The following IGF2BP3 variants were observed in gnomAD, a reference collection of about 807,000 sequenced individuals.
The protein encoded by IGF2BP3 is insulin like growth factor 2 mRNA binding protein 3.
IGF2BP3 carries 9 observed loss-of-function variants against 73.8 expected under a neutral mutation model. That is an observed-to-expected ratio of 0.12 (90% confidence interval 0.07 to 0.21). IGF2BP3 has a LOEUF of 0.21. Ranked by LOEUF, IGF2BP3 falls within the 10% of genes least tolerant of loss-of-function variation. IGF2BP3 has a pLI of 1.00. For synonymous variants in IGF2BP3, 258 were observed against 256.7 expected, an observed-to-expected ratio of 1.01 and a Z score of -0.05; for missense variants, 542 against 714.0, an observed-to-expected ratio of 0.76 and a Z score of 2.75.
intron 11 of IGF2BP3, chr7:23,317,926 G>A (rs1784035566): frequency 1.8e-6 from 1 of 566,958 alleles, no homozygotes; most frequent in Non-Finnish European, 3.2e-6. Context: ...GGCCCTAATG[G>A]AGACCTCCAC....
chr7:23,431,963 C>A (rs1314176046), intron 2 of IGF2BP3, among the ~76,000 whole-genome samples: 2 of 152,162 alleles, frequency 1.3e-5, no homozygotes, highest in Non-Finnish European at 2.9e-5. Flanking sequence ...TTGCTTAGCT[C>A]ATCTCAGGCA....
At chr7:23,360,686 C>T (rs899767816) in intron 5 of IGF2BP3, among the ~76,000 whole-genome samples, 3 of 152,178 alleles carry the variant, frequency 2.0e-5, no homozygotes, top group Admixed American at 2.0e-4. Flanking sequence ...TCTTGCAGCT[C>T]GTTTTACTTT....
intron 3 of IGF2BP3, among the ~76,000 whole-genome samples, chr7:23,377,596 C>A (rs1251359818): frequency 6.6e-6 from 1 of 152,198 alleles, no homozygotes; most frequent in African/African-American, 2.4e-5. Flanking sequence ...ACCATATGAT[C>A]TAGCAATTCC....
chr7:23,327,525 C>G (rs1446072519), intron 10 of IGF2BP3, among the ~76,000 whole-genome samples: 1 of 152,134 alleles, frequency 6.6e-6, no homozygotes, highest in African/African-American at 2.4e-5. Flanking sequence ...TCGTGATCCG[C>G]CCGCCTCGGC....
At chr7:23,342,673 T>A (rs962062140) in intron 9 of IGF2BP3, among the ~76,000 whole-genome samples, 2 of 151,954 alleles carry the variant, frequency 1.3e-5, no homozygotes, top group African/African-American at 4.8e-5. Flanking sequence ...TCAGGACCCA[T>A]CCCCATGTAA....
chr7:23,403,760 T>C (rs1562730401), intron 3 of IGF2BP3, among the ~76,000 whole-genome samples: 1 of 152,118 alleles, frequency 6.6e-6, no homozygotes, highest in Non-Finnish European at 1.5e-5. Context: ...TTTTTAAAAA[T>C]AAGAATAGCA....
At chr7:23,444,008 CAAA>C (rs576764529) in intron 2 of IGF2BP3, among the ~76,000 whole-genome samples, 183 of 152,076 alleles carry the variant, frequency 1.2e-3, no homozygotes, top group Non-Finnish European at 2.3e-3. Context: ...GACTTCGTCT[CAAA>C]AAACAAAATA....
chr7:23,317,206 T>C (rs1167669607), intron 12 of IGF2BP3, among the ~76,000 whole-genome samples: 1 of 152,098 alleles, frequency 6.6e-6, no homozygotes, highest in East Asian at 1.9e-4. Flanking sequence ...ATCCCAGGGA[T>C]TAGAGAGATT....
At chr7:23,382,150 G>A (rs958367600) in intron 3 of IGF2BP3, among the ~76,000 whole-genome samples, 4 of 152,144 alleles carry the variant, frequency 2.6e-5, no homozygotes, top group Non-Finnish European at 5.9e-5. Context: ...GGAGGCCGAG[G>A]TGGGAGGATC....
chr7:23,455,242 CT>C (rs1473721231), intron 2 of IGF2BP3, among the ~76,000 whole-genome samples: 1 of 152,220 alleles, frequency 6.6e-6, no homozygotes, highest in Non-Finnish European at 1.5e-5. Context: ...GCTGCTCCAG[CT>C]GCCCTCTCCG....
At chr7:23,331,429 G>A (rs1425472912) in intron 10 of IGF2BP3, among the ~76,000 whole-genome samples, 2 of 152,184 alleles carry the variant, frequency 1.3e-5, no homozygotes, top group African/African-American at 4.8e-5. Context: ...GTCAGGTGAA[G>A]ATAAAGGAAT....
At chr7:23,386,405 A>C (rs1358707196) in intron 3 of IGF2BP3, among the ~76,000 whole-genome samples, 1 of 152,208 alleles carries the variant, frequency 6.6e-6, no homozygotes, top group East Asian at 1.9e-4. Context: ...CGTACTCAAA[A>C]AGAAAAAACC....
chr7:23,441,034 T>A (rs138454275), intron 2 of IGF2BP3, among the ~76,000 whole-genome samples: 34 of 152,278 alleles, frequency 2.2e-4, no homozygotes, highest in Non-Finnish European at 4.0e-4. Context: ...AAAAATTAGT[T>A]GCAGAATCCT....
chr7:23,354,501 T>C (rs1271760801), intron 5 of IGF2BP3, among the ~76,000 whole-genome samples: 24 of 152,198 alleles, frequency 1.6e-4, no homozygotes, highest in Admixed American at 1.5e-3. Context: ...AAATGGTAGA[T>C]AACTCTCTTC....
In IGF2BP3 at chr7:23,312,124, AC is replaced by A. The variant is rs1783847527; in HGVS notation, c.*237del. ...GCTCTTCTCTTTCCCTCCCTCCCCC[AC>A]CCTTTTTTTGTTTGTTTGTTTGTTT... On this transcript the variant is annotated 3_prime_UTR_variant, in exon 15 of 15. Coordinates refer to ENST00000258729, the MANE Select transcript of IGF2BP3 (RefSeq NM_006547.3). The A allele has an allele frequency of 4.2e-6, 1 of 239,324 alleles. No homozygotes were observed. Among genetic ancestry groups the A allele is most frequent in the Non-Finnish European group, 7.9e-6 (1 of 126,540 alleles). The allele number at this position is 239,324 out of a possible 1,614,324, so 14.8% of individuals were successfully genotyped here. A position where few individuals can be genotyped will look rare whatever the true frequency, so the allele number is the denominator to read the frequency against.
At chr7:23,326,917 T>G (rs2128495544) in intron 10 of IGF2BP3, among the ~76,000 whole-genome samples, 1 of 94,562 alleles carries the variant, frequency 1.1e-5, no homozygotes, top group Non-Finnish European at 2.0e-5. Context: ...GGGACTGTTG[T>G]GGGGTGGGGG....
chr7:23,334,495 T>C (rs1784522183), intron 10 of IGF2BP3, among the ~76,000 whole-genome samples: 1 of 152,222 alleles, frequency 6.6e-6, no homozygotes, highest in Non-Finnish European at 1.5e-5. Context: ...TTTAAGTCTA[T>C]GAGACCTAGG....
chr7:23,321,729 A>G (rs1053556655), intron 10 of IGF2BP3, among the ~76,000 whole-genome samples: 1 of 152,220 alleles, frequency 6.6e-6, no homozygotes, highest in Non-Finnish European at 1.5e-5. Flanking sequence ...GAGCTCTGAG[A>G]ACGGGCAGAC....
intron 2 of IGF2BP3, among the ~76,000 whole-genome samples, chr7:23,457,950 T>C (rs1788359916): frequency 6.6e-6 from 1 of 152,192 alleles, no homozygotes; most frequent in Non-Finnish European, 1.5e-5. Flanking sequence ...ACACACCACC[T>C]GCAGATTATT....
Sources: allele counts gnomAD v4.1 joint callset (sites outside exome capture counted in the v4.1 genomes callset), GRCh38; gene constraint gnomAD v4.1.1; transcripts MANE v1.5; gene names NCBI Gene and HGNC (gene_info 2026-07-23, HGNC 2026-07-21).